The following SIPA1L3 variants were observed in gnomAD, a reference collection of about 807,000 sequenced individuals.
SIPA1L3 encodes signal induced proliferation associated 1 like 3.
A neutral mutation model predicts 150.1 loss-of-function variants in SIPA1L3; 59 were observed. The ratio of observed to expected loss-of-function variants is 0.39; its 90% CI spans 0.32 to 0.49. The LOEUF (loss-of-function observed/expected upper bound fraction) is 0.49, where lower values mean the gene tolerates loss of function less well. Ranked by LOEUF, SIPA1L3 falls within the 20% of genes least tolerant of loss-of-function variation. The pLI is 0.86. For missense variants in SIPA1L3, 2,211 were observed against 2,489.5 expected (o/e 0.89, Z 2.38); for synonymous variants, 1,070 against 1,077.6 (o/e 0.99, Z 0.14).
rs755502758 is a variant in SIPA1L3 at position 38,192,132 on chromosome 19, G to A, written c.4431-13G>A. On this transcript the variant is annotated splice_polypyrimidine_tract_variant and intron_variant, in intron 16 of 21. Coordinates refer to ENST00000222345, the MANE Select transcript of SIPA1L3 (RefSeq NM_015073.3). Reference sequence around the variant, plus strand: ...TCCCTGACACCCCTCTGACCCTGACGCTGTCATTCCAGGCAGGTGGACACG... The same window carrying A: ...TCCCTGACACCCCTCTGACCCTGACACTGTCATTCCAGGCAGGTGGACACG... 6 of 1,591,098 alleles carry A rather than the reference G, an allele frequency of 3.8e-6. No homozygotes were observed. Among genetic ancestry groups the A allele is most frequent in the Non-Finnish European group, 5.1e-6 (6 of 1,169,710 alleles).
At chr19:38,066,928 T>G (rs1162278511) in intron 2 of SIPA1L3, among the ~76,000 whole-genome samples, 2 of 145,444 alleles carry the variant, frequency 1.4e-5, no homozygotes, top group African/African-American at 5.6e-5. Flanking sequence ...TGGGAAAAAC[T>G]GTACTGATTT....
chr19:37,921,059 G>A (rs1394350231), intron 1 of SIPA1L3, among the ~76,000 whole-genome samples: 2 of 152,212 alleles, frequency 1.3e-5, no homozygotes, highest in African/African-American at 4.8e-5. Flanking sequence ...CACACGAACC[G>A]GAATCCAGTC....
At chr19:38,064,434 C>T (rs1174046899) in intron 2 of SIPA1L3, among the ~76,000 whole-genome samples, 2 of 152,238 alleles carry the variant, frequency 1.3e-5, no homozygotes. Flanking sequence ...CAGTGGCTCA[C>T]GCCTGTAATC....
chr19:38,070,100 G>C (rs979404704), intron 2 of SIPA1L3, among the ~76,000 whole-genome samples: 1 of 151,958 alleles, frequency 6.6e-6, no homozygotes, highest in African/African-American at 2.4e-5. Flanking sequence ...GCTCATCCAC[G>C]GCAGGTACCC....
intron 15 of SIPA1L3, among the ~76,000 whole-genome samples, chr19:38,169,513 TCA>T (rs1459740455): frequency 6.6e-6 from 1 of 152,176 alleles, no homozygotes; most frequent in Non-Finnish European, 1.5e-5. Flanking sequence ...TCTCTGGGCC[TCA>T]GTTTCCTCAT....
intron 1 of SIPA1L3, among the ~76,000 whole-genome samples, chr19:37,998,434 A>G (rs1308407885): frequency 6.6e-6 from 1 of 152,174 alleles, no homozygotes; most frequent in Non-Finnish European, 1.5e-5. Flanking sequence ...TGTTTTTCAG[A>G]GCTGCAAACC....
chr19:37,973,211 A>G (rs1299492443), intron 1 of SIPA1L3, among the ~76,000 whole-genome samples: 1 of 148,638 alleles, frequency 6.7e-6, no homozygotes, highest in Non-Finnish European at 1.5e-5. Flanking sequence ...TTTGGGGACC[A>G]TGGTGTATGA....
intron 2 of SIPA1L3, among the ~76,000 whole-genome samples, chr19:38,076,547 C>T (rs1259000929): frequency 5.3e-5 from 8 of 152,182 alleles, no homozygotes; most frequent in Admixed American, 4.6e-4. Context: ...AATTGCACAT[C>T]GCAGTAAAAA....
chr19:38,024,845 G>A (rs1363099744), intron 1 of SIPA1L3, among the ~76,000 whole-genome samples: 2 of 152,122 alleles, frequency 1.3e-5, no homozygotes, highest in Non-Finnish European at 2.9e-5. Context: ...TGTTGTAAGC[G>A]ACAGAACCTC....
At chr19:37,940,135 G>C (rs1047049834) in intron 1 of SIPA1L3, among the ~76,000 whole-genome samples, 2 of 151,998 alleles carry the variant, frequency 1.3e-5, no homozygotes, top group Non-Finnish European at 2.9e-5. Context: ...AATAAAGGAG[G>C]CTGGGCATAG....
chr19:38,115,861 C>T (rs1278177723), intron 8 of SIPA1L3, among the ~76,000 whole-genome samples: 1 of 152,168 alleles, frequency 6.6e-6, no homozygotes, highest in Non-Finnish European at 1.5e-5. Context: ...GTCCCTTCTC[C>T]TGGACTAGAA....
At chr19:38,116,645 C>G (rs996943969) in intron 8 of SIPA1L3, among the ~76,000 whole-genome samples, 1 of 151,588 alleles carries the variant, frequency 6.6e-6, no homozygotes, top group Non-Finnish European at 1.5e-5. Context: ...GCCAGGAATT[C>G]GAGACCAGCC....
chr19:37,978,515 G>T (rs1366271324), intron 1 of SIPA1L3, among the ~76,000 whole-genome samples: 1 of 152,188 alleles, frequency 6.6e-6, no homozygotes, highest in Non-Finnish European at 1.5e-5. Context: ...AAAATAACTT[G>T]CCTGTTGTGT....
At chr19:38,143,776 C>T (rs191665469) in intron 12 of SIPA1L3, among the ~76,000 whole-genome samples, 16 of 152,032 alleles carry the variant, frequency 1.1e-4, no homozygotes, top group African/African-American at 3.4e-4. Flanking sequence ...TGGCCTCAAG[C>T]GATCCGCCTG....
chr19:38,079,898 C>A (rs984466572), intron 2 of SIPA1L3, among the ~76,000 whole-genome samples: 1 of 152,106 alleles, frequency 6.6e-6, no homozygotes. Context: ...AAGGAACCAG[C>A]CCCAAGAAGG....
intron 1 of SIPA1L3, among the ~76,000 whole-genome samples, chr19:38,004,858 A>T (rs1368406031): frequency 7.4e-6 from 1 of 134,864 alleles, no homozygotes; most frequent in Non-Finnish European, 1.6e-5. Flanking sequence ...GATCTGCGTT[A>T]TTCATTCTCT....
intron 1 of SIPA1L3, among the ~76,000 whole-genome samples, chr19:38,000,929 T>TAAC (rs1967782251): frequency 7.6e-6 from 1 of 131,082 alleles, no homozygotes; most frequent in African/African-American, 3.0e-5. Flanking sequence ...ATAACATATA[T>TAAC]ATAACATATA....
rs149202507 is a variant in SIPA1L3, at chr19:37,924,786, C to T, written c.-379+17428C>T. Among the ~76,000 whole-genome samples, 564 of 152,054 alleles carry T rather than the reference C, an allele frequency of 3.7e-3. 3 individuals carry two copies. The highest frequency in any genetic ancestry group is 0.013 in the African/African-American group (546 of 41,452). On this transcript the variant is annotated intron_variant, in intron 1 of 21. Transcript: ENST00000222345. ...TACATGGGCTGGGTGTGGTGGCTCA[C>T]GCCTGTAATCCCAGCACTTTCGGAG... is the stretch of plus-strand genomic sequence containing the variant.
At chr19:38,115,030 G>A (rs1387218406) in intron 8 of SIPA1L3, among the ~76,000 whole-genome samples, 1 of 152,224 alleles carries the variant, frequency 6.6e-6, no homozygotes, top group Non-Finnish European at 1.5e-5. Context: ...TAACCAAAGG[G>A]AGTTGATGCC....
Sources: gnomAD v4.1 joint callset for allele counts (sites outside exome capture counted in the v4.1 genomes callset) on GRCh38, gnomAD v4.1.1 for gene constraint, MANE v1.5 for transcripts, NCBI Gene and HGNC (gene_info 2026-07-23, HGNC 2026-07-21) for gene names.